Variants in BCL2L13 observed in about 807,000 individuals in gnomAD.
The protein encoded by BCL2L13 is bcl-2-like protein 13.
In BCL2L13, 13 loss-of-function variants were observed where a neutral mutation model predicts 25.8. That is an observed-to-expected ratio of 0.50 (90% confidence interval 0.33 to 0.80). The LOEUF is 0.80. Among genes scored for constraint, BCL2L13 ranks in the 30% least tolerant of loss-of-function variants. BCL2L13 has a pLI of 0.02. For missense variants in BCL2L13, 504 were observed against 574.9 expected, an observed-to-expected ratio of 0.88 and a Z score of 1.26; for synonymous variants, 244 against 230.3, an observed-to-expected ratio of 1.06 and a Z score of -0.54.
intron 6 of BCL2L13, among the ~76,000 whole-genome samples, chr22:17,713,464 T>TC (rs2060819853): frequency 6.7e-6 from 1 of 149,248 alleles, no homozygotes; most frequent in South Asian, 2.2e-4. Context: ...AAATGCATTT[T>TC]TTTTTTTTTT....
At chr22:17,652,846 C>T (rs1409928851) in intron 1 of BCL2L13, among the ~76,000 whole-genome samples, 2 of 152,084 alleles carry the variant, frequency 1.3e-5, no homozygotes, top group African/African-American at 4.8e-5. Flanking sequence ...GGGTGAATCA[C>T]GAGGTCAGGA....
intron 1 of BCL2L13, among the ~76,000 whole-genome samples, chr22:17,654,455 C>G (rs1195469786): frequency 1.3e-5 from 2 of 151,310 alleles, no homozygotes; most frequent in Non-Finnish European, 2.9e-5. Context: ...TGGAGTCTCG[C>G]TCTGTCGCCC....
At chr22:17,688,205 C>T (rs1413344788) in intron 3 of BCL2L13, among the ~76,000 whole-genome samples, 1 of 152,236 alleles carries the variant, frequency 6.6e-6, no homozygotes, top group Admixed American at 6.5e-5. Flanking sequence ...CATCTGCACA[C>T]CTCAGCCTCC....
intron 4 of BCL2L13, among the ~76,000 whole-genome samples, chr22:17,695,495 G>A (rs1216933238): frequency 1.3e-5 from 2 of 151,988 alleles, no homozygotes; most frequent in Admixed American, 6.6e-5. Flanking sequence ...CTAATTTTTT[G>A]TATTTTAGTA....
intron 1 of BCL2L13, among the ~76,000 whole-genome samples, chr22:17,651,581 C>T (rs1254899418): frequency 6.6e-6 from 1 of 151,086 alleles, no homozygotes; most frequent in Non-Finnish European, 1.5e-5. Flanking sequence ...GGGTTTTCAC[C>T]ATGTTGGCCA....
At chr22:17,647,818 T>C (rs1023393039) in intron 1 of BCL2L13, among the ~76,000 whole-genome samples, 22 of 152,152 alleles carry the variant, frequency 1.4e-4, no homozygotes, top group African/African-American at 5.3e-4. Flanking sequence ...GTAATTTATA[T>C]ATGATGTTTA....
At chr22:17,689,573 G>A (rs903158240) in intron 4 of BCL2L13, among the ~76,000 whole-genome samples, 7 of 152,110 alleles carry the variant, frequency 4.6e-5, no homozygotes, top group Admixed American at 1.3e-4. Context: ...GACCGGGCGC[G>A]GTGGCTCACG....
Position 17,727,955 on chromosome 22 carries a change from T to A in BCL2L13, c.*421T>A. ...AATGTCCCGTGTGAACATCCCCTATTGAGACCCACTGCTTTAGCGAGAGAG... is the reference window on the plus strand; with the variant it reads ...AATGTCCCGTGTGAACATCCCCTATAGAGACCCACTGCTTTAGCGAGAGAG... On this transcript the variant is annotated 3_prime_UTR_variant, in exon 7 of 7. Coordinates refer to ENST00000317582, the MANE Select transcript of BCL2L13 (RefSeq NM_015367.4). 5.3e-6 allele frequency: 1 copy of A among 188,422 alleles called. No individual in the cohort carries two copies. The highest frequency in any genetic ancestry group is 1.1e-5 in the Non-Finnish European group (1 of 88,134). 11.7% of individuals were successfully genotyped at this position (188,422 alleles called of 1,614,324 possible).
rs145785879 is a variant in BCL2L13 at position 17,657,702 on chromosome 22, G to A, written c.121+1870G>A. On this transcript the variant is annotated intron_variant, in intron 2 of 6. Coordinates refer to ENST00000317582, the MANE Select transcript of BCL2L13 (RefSeq NM_015367.4). ...AACTTTTTTTTTCGTATTTTTAGTA[G>A]AGATGGGGTTTCACTCTGTTAGCCA... Among the ~76,000 whole-genome samples the A allele has an allele frequency of 3.3e-3, 498 of 151,560 alleles. 3 individuals are homozygous for A. Among genetic ancestry groups the A allele is most frequent in the African/African-American group, 0.012 (482 of 41,308 alleles).
At chr22:17,725,058 A>C (rs2061257643) in intron 6 of BCL2L13, among the ~76,000 whole-genome samples, 1 of 152,240 alleles carries the variant, frequency 6.6e-6, no homozygotes, top group African/African-American at 2.4e-5. Flanking sequence ...TGTTATTAAT[A>C]GACATGGACA....
chr22:17,651,630 C>T (rs1329835994), intron 1 of BCL2L13, among the ~76,000 whole-genome samples: 1 of 151,200 alleles, frequency 6.6e-6, no homozygotes, highest in African/African-American at 2.4e-5. Context: ...GATCTACCTG[C>T]CTCAGGCTCC....
At chr22:17,673,412 G>C (rs2059478555) in intron 2 of BCL2L13, among the ~76,000 whole-genome samples, 1 of 148,112 alleles carries the variant, frequency 6.8e-6, no homozygotes, top group African/African-American at 2.5e-5. Context: ...CTGTCACCCA[G>C]GCTGGAGTGC....
rs981189696 is a variant in BCL2L13 at position 17,728,749 on chromosome 22, T to C, written c.*1215T>C. On this transcript the variant is annotated 3_prime_UTR_variant, in exon 7 of 7. Coordinates refer to ENST00000317582, the MANE Select transcript of BCL2L13 (RefSeq NM_015367.4). The stretch of plus-strand genomic sequence containing the variant: ...TTGAATTTTAAGACTGAGGCTGCTC[T>C]GCAGATTCTAGTTTGGCTTTCAGAG... 6.6e-6 allele frequency: 1 copy of C among 152,254 alleles called. No homozygotes were observed. The highest frequency in any genetic ancestry group is 1.5e-5 in the Non-Finnish European group (1 of 68,046). 9.4% of individuals were successfully genotyped at this position (152,254 alleles called of 1,614,324 possible).
intron 1 of BCL2L13, among the ~76,000 whole-genome samples, chr22:17,647,104 G>C (rs2058522324): frequency 6.6e-6 from 1 of 150,976 alleles, no homozygotes. Flanking sequence ...CTCCCAAGTA[G>C]CTGGGACTAC....
intron 2 of BCL2L13, among the ~76,000 whole-genome samples, chr22:17,682,266 G>T (rs2059778674): frequency 6.6e-6 from 1 of 152,240 alleles, no homozygotes; most frequent in Admixed American, 6.5e-5. Flanking sequence ...TTGGTACAAA[G>T]AAATCGTTAT....
rs1006605476 is a variant in BCL2L13, at chr22:17,726,971, G to A, written c.895G>A (p.Glu299Lys). The A allele has an allele frequency of 6.2e-7, 1 of 1,614,190 alleles. No homozygotes were observed. Among genetic ancestry groups the A allele is most frequent in the Non-Finnish European group, 8.5e-7 (1 of 1,180,042 alleles). Reference sequence around the variant, plus strand: ...CAGCAACGGAGCTGGAGAGAAGAGTGAGAACAACTCCTCTAATTCTGACAT... The same window carrying A: ...CAGCAACGGAGCTGGAGAGAAGAGTAAGAACAACTCCTCTAATTCTGACAT... ...LDSNGAGEKSENNSSNSDIVH... is the reference protein window; with the variant it reads ...LDSNGAGEKSKNNSSNSDIVH... Residue 299 changes from glutamate (E) to lysine (K), a missense_variant, in exon 7 of 7, where the codon GAG (glutamate) becomes AAG (lysine). Physicochemically the swap from Glu to Lys is moderately conservative, Grantham distance 56 (BLOSUM62 1). Coordinates refer to ENST00000317582, the MANE Select transcript of BCL2L13 (RefSeq NM_015367.4).
At chr22:17,681,496 C>T (rs549202502) in intron 2 of BCL2L13, among the ~76,000 whole-genome samples, 2 of 142,644 alleles carry the variant, frequency 1.4e-5, no homozygotes, top group South Asian at 4.4e-4. Context: ...GAGACTCCGT[C>T]TGAAAAAAAA....
chr22:17,695,097 G>A (rs2165970), intron 4 of BCL2L13, among the ~76,000 whole-genome samples: 22,105 of 152,040 alleles, frequency 0.15, 2,089 homozygotes, highest in Non-Finnish European at 0.21. Context: ...ACACAGCCTC[G>A]TCTACCACCA....
At chr22:17,700,369 G>A (rs1001370017) in intron 5 of BCL2L13, among the ~76,000 whole-genome samples, 1 of 152,096 alleles carries the variant, frequency 6.6e-6, no homozygotes, top group Non-Finnish European at 1.5e-5. Flanking sequence ...TCTGCTTTTC[G>A]ATATATGAAA....
Sources: allele counts gnomAD v4.1 joint callset (sites outside exome capture counted in the v4.1 genomes callset), GRCh38; gene constraint gnomAD v4.1.1; transcripts MANE v1.5; gene names NCBI Gene and HGNC (gene_info 2026-07-23, HGNC 2026-07-21).